PRKN: variants seen among roughly 807,000 people sequenced by gnomAD.
The protein encoded by PRKN is parkin RBR E3 ubiquitin protein ligase.
In PRKN, 56 loss-of-function variants were observed where a neutral mutation model predicts 59.5. The ratio of observed to expected loss-of-function variants is 0.94; its 90% CI spans 0.76 to 1.18. The LOEUF (loss-of-function observed/expected upper bound fraction) is 1.18, where lower values mean the gene tolerates loss of function less well. Among genes scored for constraint, PRKN ranks in the 50% most tolerant of loss-of-function variants. The pLI is 0.00. For missense variants in PRKN, 657 were observed against 596.4 expected (o/e 1.10, Z -1.06); for synonymous variants, 250 against 222.1 (o/e 1.13, Z -1.12).
intron 1 of PRKN, among the ~76,000 whole-genome samples, chr6:162,540,304 G>A (rs887890147): frequency 3.3e-5 from 5 of 151,828 alleles, no homozygotes; most frequent in African/African-American, 7.3e-5. Flanking sequence ...ATCTCAGCTC[G>A]CTGCAATCTC....
chr6:162,600,523 C>T (rs1271005939), intron 1 of PRKN, among the ~76,000 whole-genome samples: 5 of 152,154 alleles, frequency 3.3e-5, no homozygotes, highest in South Asian at 2.1e-4. Flanking sequence ...TACCCCAAAA[C>T]GCTGTTCTGA....
intron 1 of PRKN, among the ~76,000 whole-genome samples, chr6:162,589,331 C>T (rs184123987): frequency 2.6e-5 from 4 of 152,066 alleles, no homozygotes; most frequent in East Asian, 1.9e-4. Context: ...CTCAAAAATA[C>T]AAAAATGTTA....
At chr6:161,961,646 C>T (rs867941881) in intron 6 of PRKN, among the ~76,000 whole-genome samples, 3 of 152,270 alleles carry the variant, frequency 2.0e-5, no homozygotes, top group Middle Eastern at 3.4e-3. Context: ...GAGAGTGTCC[C>T]CGTCGACGGC....
chr6:162,168,005 A>C (rs1783067559), intron 4 of PRKN, among the ~76,000 whole-genome samples: 1 of 152,166 alleles, frequency 6.6e-6, no homozygotes, highest in Admixed American at 6.5e-5. Flanking sequence ...ACATTTATTG[A>C]GATGTATTAA....
Position 162,189,591 on chromosome 6 carries a change from A to G in PRKN, c.534+11540T>C, listed in dbSNP as rs376157187. On this transcript the variant is annotated intron_variant, in intron 4 of 11. Coordinates refer to ENST00000366898, the MANE Select transcript of PRKN (RefSeq NM_004562.3). ...TGTGGCAGGCACTATGCTAAGCACCAAAGTATGGTCCCTGCCCCAAGGAAA... is the reference window on the plus strand; with the variant it reads ...TGTGGCAGGCACTATGCTAAGCACCGAAGTATGGTCCCTGCCCCAAGGAAA... Among the ~76,000 whole-genome samples the G allele has an allele frequency of 2.0e-5, 3 of 151,900 alleles. No individual in the cohort carries two copies. In the East Asian group the frequency reaches 5.9e-4, roughly 30 times the overall value.
chr6:162,671,982 G>A (rs80185312), intron 1 of PRKN, among the ~76,000 whole-genome samples: 1 of 151,940 alleles, frequency 6.6e-6, no homozygotes, highest in Admixed American at 6.6e-5. Context: ...CGGGGAGGAT[G>A]GGCCTGGCAG....
intron 1 of PRKN, among the ~76,000 whole-genome samples, chr6:162,564,154 G>A (rs1779963423): frequency 6.6e-6 from 1 of 152,070 alleles, no homozygotes; most frequent in African/African-American, 2.4e-5. Context: ...AGACCATCCT[G>A]GCCAACATGG....
intron 1 of PRKN, among the ~76,000 whole-genome samples, chr6:162,453,472 G>T (rs948255222): frequency 2.0e-5 from 3 of 152,164 alleles, no homozygotes; most frequent in Non-Finnish European, 4.4e-5. Context: ...AATAAGACGT[G>T]TATACTGTGG....
intron 7 of PRKN, among the ~76,000 whole-genome samples, chr6:161,719,283 T>C (rs1787122521): frequency 6.6e-6 from 1 of 151,264 alleles, no homozygotes; most frequent in Admixed American, 6.6e-5. Flanking sequence ...ATAAAGAAAG[T>C]AAAGAGAGAA....
intron 1 of PRKN, among the ~76,000 whole-genome samples, chr6:162,648,136 T>A (rs888148895): frequency 3.9e-5 from 6 of 152,072 alleles, no homozygotes; most frequent in African/African-American, 1.4e-4. Flanking sequence ...GGCAGTATTA[T>A]ATAACTCTAC....
chr6:162,061,665 T>C (rs1297794762), intron 4 of PRKN, among the ~76,000 whole-genome samples: 3 of 152,186 alleles, frequency 2.0e-5, no homozygotes, highest in Non-Finnish European at 4.4e-5. Flanking sequence ...AGTGCCGTGG[T>C]TAGAGCAGCA....
intron 1 of PRKN, among the ~76,000 whole-genome samples, chr6:162,554,260 T>A (rs1779459855): frequency 6.6e-6 from 1 of 151,992 alleles, no homozygotes; most frequent in Non-Finnish European, 1.5e-5. Context: ...TCCCAGCACT[T>A]TGGGAGGCTG....
chr6:161,686,487 AT>A (rs1785560511), intron 7 of PRKN, among the ~76,000 whole-genome samples: 1 of 152,216 alleles, frequency 6.6e-6, no homozygotes. Context: ...CACTTAGTAA[AT>A]ATTAAAAACC....
chr6:162,029,934 G>T (rs1783574805), intron 5 of PRKN, among the ~76,000 whole-genome samples: 1 of 152,118 alleles, frequency 6.6e-6, no homozygotes, highest in Non-Finnish European at 1.5e-5. Context: ...AGACTCCTGA[G>T]CTCAAGCCAA....
At chr6:162,580,930 G>C (rs951039815) in intron 1 of PRKN, among the ~76,000 whole-genome samples, 1 of 152,180 alleles carries the variant, frequency 6.6e-6, no homozygotes, top group African/African-American at 2.4e-5. Context: ...TCAGTGGCAT[G>C]TACTAAAAAT....
intron 6 of PRKN, among the ~76,000 whole-genome samples, chr6:161,860,742 A>G (rs1309781932): frequency 6.6e-6 from 1 of 152,156 alleles, no homozygotes; most frequent in African/African-American, 2.4e-5. Context: ...GAAGCTCTTT[A>G]GTTCAACCCC....
At chr6:162,652,882 T>C (rs1036246853) in intron 1 of PRKN, among the ~76,000 whole-genome samples, 2 of 152,162 alleles carry the variant, frequency 1.3e-5, no homozygotes, top group African/African-American at 2.4e-5. Context: ...GACTAAAAGC[T>C]TTGCTTTTTC....
chr6:161,688,922 A>G (rs1199352597), intron 7 of PRKN, among the ~76,000 whole-genome samples: 1 of 152,196 alleles, frequency 6.6e-6, no homozygotes, highest in African/African-American at 2.4e-5. Flanking sequence ...CTTCCGAGAA[A>G]TGATTGCCAA....
At chr6:162,337,979 T>C (rs910503746) in intron 2 of PRKN, among the ~76,000 whole-genome samples, 30 of 152,178 alleles carry the variant, frequency 2.0e-4, no homozygotes, top group Non-Finnish European at 2.8e-4. Context: ...TAAATGCATC[T>C]TTAAATATCT....
Sources: allele counts gnomAD v4.1 joint callset (sites outside exome capture counted in the v4.1 genomes callset), GRCh38; gene constraint gnomAD v4.1.1; transcripts MANE v1.5; gene names NCBI Gene and HGNC (gene_info 2026-07-23, HGNC 2026-07-21).